Variants in WASF2 observed in about 807,000 individuals in gnomAD.
WASF2 encodes WASP family member 2, also known as actin-binding protein WASF2.
WASF2 carries 14 observed loss-of-function variants against 45.0 expected under a neutral mutation model. The ratio of observed to expected loss-of-function variants is 0.31; its 90% CI spans 0.21 to 0.49. The LOEUF is 0.49. Among genes scored for constraint, WASF2 ranks in the 20% least tolerant of loss-of-function variants. The probability of loss-of-function intolerance (pLI) is 0.99; values close to 1 mark genes in which losing one functional copy is unlikely to be tolerated. For synonymous variants in WASF2, 200 were observed against 236.3 expected (o/e 0.85, Z 1.41); for missense variants, 439 against 636.1 (o/e 0.69, Z 3.33).
At chr1:27,416,306 T>C (rs1245203836) in intron 4 of WASF2, among the ~76,000 whole-genome samples, 1 of 152,222 alleles carries the variant, frequency 6.6e-6, no homozygotes, top group Non-Finnish European at 1.5e-5. Context: ...TTAAGAACCT[T>C]AGCCTTACTT....
intron 1 of WASF2, among the ~76,000 whole-genome samples, chr1:27,444,681 A>C (rs545846254): frequency 1.3e-5 from 2 of 152,352 alleles, no homozygotes; most frequent in African/African-American, 4.8e-5. Flanking sequence ...ATGGAGACAA[A>C]TACTGAAAAA....
intron 1 of WASF2, among the ~76,000 whole-genome samples, chr1:27,430,437 T>C (rs937189192): frequency 6.6e-6 from 1 of 152,184 alleles, no homozygotes; most frequent in African/African-American, 2.4e-5. Flanking sequence ...CTCAGCTCAC[T>C]GCAACCTCCA....
intron 5 of WASF2, among the ~76,000 whole-genome samples, chr1:27,415,360 T>TAAAAA (rs1553148130): frequency 6.6e-6 from 1 of 152,134 alleles, no homozygotes; most frequent in East Asian, 1.9e-4. Flanking sequence ...GGAAATAGTT[T>TAAAAA]AAACAAAACA....
chr1:27,408,411 G>T (rs1571115949), intron 8 of WASF2, 65 bp from the exon 9 acceptor site: 1 of 1,590,910 alleles, frequency 6.3e-7, no homozygotes, highest in East Asian at 2.3e-5. Context: ...ATCTGGAACT[G>T]GGTAAGAGGG....
intron 1 of WASF2, among the ~76,000 whole-genome samples, chr1:27,472,684 A>AGG (rs139510358): frequency 0.07 from 10,129 of 145,318 alleles, 429 homozygotes; most frequent in Middle Eastern, 0.11. Context: ...AGGGGAAATC[A>AGG]GGCCAGGGTG....
chr1:27,458,276 G>A (rs1429111449), intron 1 of WASF2, among the ~76,000 whole-genome samples: 1 of 127,640 alleles, frequency 7.8e-6, no homozygotes, highest in African/African-American at 3.0e-5. Flanking sequence ...TCGCGTCACT[G>A]CCCTCCAGCC....
At position 27,410,275 on chromosome 1, in the gene WASF2, T is replaced by C; in HGVS notation, c.825-69A>G. 1 of 1,587,168 alleles carries C rather than the reference T, an allele frequency of 6.3e-7. No homozygotes were observed. Among genetic ancestry groups the C allele is most frequent in the Non-Finnish European group, 8.6e-7 (1 of 1,162,478 alleles). On this transcript the variant is annotated intron_variant, in intron 7 of 8. Coordinates refer to ENST00000618852, the MANE Select transcript of WASF2 (RefSeq NM_006990.5). The surrounding 1 kb of genome is among the most constrained non-coding windows in gnomAD (Gnocchi z 4.2). ...GCAGACACCTATCTACAGTTAGCCT[T>C]GTCTACAGACCGAGGTTTATCTTGG...
chr1:27,418,993 G>A lies in WASF2; in HGVS notation c.226C>T (p.Gln76Ter). The A allele has an allele frequency of 6.2e-7, 1 of 1,613,950 alleles. No individual in the cohort carries two copies. The highest frequency in any genetic ancestry group is 8.5e-7 in the Non-Finnish European group (1 of 1,179,990). Residue 76 changes from glutamine (Q) to a stop codon, truncating the protein, a stop_gained, in exon 3 of 9, where the codon CAG becomes TAG. Transcript: ENST00000618852. LOFTEE classifies it high-confidence loss of function. Reference protein sequence around the residue: ...SSLAERVDRLQVKVTQLDPKE... With the variant: ...SSLAERVDRL ...GGATCCAGCTGAGTGACTTTAACCT[G>A]TAGTCGGTCGACCCTCTCAGCAAGG...
At position 27,487,347 on chromosome 1, in the gene WASF2, C is replaced by T. The variant is rs1009183563; in HGVS notation, c.-44+2639G>A. 5.7e-5 allele frequency among the ~76,000 whole-genome samples: 8 copies of T among 141,270 alleles called. No homozygotes were observed. The East Asian group carries it at 9.9e-4, about 17-fold the overall frequency. The allele number at this position is 141,270 out of a possible 152,430, so 92.7% of individuals were successfully genotyped here. A position where few individuals can be genotyped will look rare whatever the true frequency, so the allele number is the denominator to read the frequency against. ...ATCTCCCGACCTCGTGATCCACCCG[C>T]CTCGGCCTCCCAGAGTGCTGGGATT... On this transcript the variant is annotated intron_variant, in intron 1 of 8. Transcript: ENST00000618852.
chr1:27,478,466 G>C (rs2017801403), intron 1 of WASF2, among the ~76,000 whole-genome samples: 1 of 152,092 alleles, frequency 6.6e-6, no homozygotes, highest in Non-Finnish European at 1.5e-5. Flanking sequence ...TTCAAGAATA[G>C]GTAAATTTAA....
At chr1:27,469,208 A>C (rs1268028710) in intron 1 of WASF2, among the ~76,000 whole-genome samples, 1 of 152,190 alleles carries the variant, frequency 6.6e-6, no homozygotes, top group Non-Finnish European at 1.5e-5. Flanking sequence ...AAGGGGGATG[A>C]GGGAACGAAT....
At chr1:27,412,875 T>C in intron 6 of WASF2, 148 bp from the exon 7 acceptor site, 1 of 865,060 alleles carries the variant, frequency 1.2e-6, no homozygotes, top group Non-Finnish European at 1.8e-6. Context: ...TCTGTTACAC[T>C]GAAATTTTAT....
intron 1 of WASF2, among the ~76,000 whole-genome samples, chr1:27,484,811 C>CAAAAAAAAAAAAAAAAAAAAA (rs58153446): frequency 8.0e-6 from 1 of 124,594 alleles, no homozygotes; most frequent in African/African-American, 3.3e-5. Flanking sequence ...GACTCTGTCT[C>CAAAAAAAAAAAAAAAAAAAAA]AAAAAAAAAA....
intron 7 of WASF2, among the ~76,000 whole-genome samples, chr1:27,411,214 A>C (rs2016756727): frequency 6.6e-6 from 1 of 152,264 alleles, no homozygotes; most frequent in African/African-American, 2.4e-5. Context: ...GAAGTACCCA[A>C]GGAGAAAAGT....
In WASF2 at chr1:27,408,047, C is replaced by A. The variant is rs745309107; in HGVS notation, c.*142G>T. Reference sequence around the variant, plus strand: ...ACTTGGAGGAAGCACTTGGATATATCTTTGGTTGCTTCAGGGAAAGCTTTG... The same window carrying A: ...ACTTGGAGGAAGCACTTGGATATATATTTGGTTGCTTCAGGGAAAGCTTTG... On this transcript the variant is annotated 3_prime_UTR_variant, in exon 9 of 9. Transcript: ENST00000618852. 3.1e-5 allele frequency: 30 copies of A among 978,436 alleles called. No individual in the cohort carries two copies. The highest frequency in any genetic ancestry group is 4.4e-5 in the Non-Finnish European group (30 of 676,868). The allele number at this position is 978,436 out of a possible 1,614,324, so 60.6% of individuals were successfully genotyped here. A position where few individuals can be genotyped will look rare whatever the true frequency, so the allele number is the denominator to read the frequency against.
chr1:27,472,642 C>T (rs1408599702), intron 1 of WASF2, among the ~76,000 whole-genome samples: 1 of 137,674 alleles, frequency 7.3e-6, no homozygotes, highest in African/African-American at 2.8e-5. Context: ...ACAGTGAAAC[C>T]CCGTCTCCAA....
intron 1 of WASF2, among the ~76,000 whole-genome samples, chr1:27,483,470 G>A (rs1024365117): frequency 4.0e-5 from 6 of 150,674 alleles, no homozygotes; most frequent in African/African-American, 9.8e-5. Flanking sequence ...ACTCTGTCTC[G>A]GAAAACAAAA....
intron 1 of WASF2, among the ~76,000 whole-genome samples, chr1:27,478,652 G>A (rs920105924): frequency 7.2e-5 from 11 of 151,998 alleles, no homozygotes; most frequent in African/African-American, 2.4e-4. Flanking sequence ...GCGTGATCTC[G>A]GCTCACTGCA....
At chr1:27,457,422 C>T (rs143889125) in intron 1 of WASF2, 1 of 151,904 alleles carries the variant, frequency 6.6e-6, no homozygotes, top group Non-Finnish European at 1.5e-5. Flanking sequence ...CAAAAACTTA[C>T]AAAACTTAGT....
Sources: gnomAD v4.1 joint callset for allele counts (sites outside exome capture counted in the v4.1 genomes callset) on GRCh38, gnomAD v4.1.1 for gene constraint, Gnocchi (gnomAD v3.1) non-coding constraint, MANE v1.5 for transcripts, NCBI Gene and HGNC (gene_info 2026-07-23, HGNC 2026-07-21) for gene names.